Variants in BCL2L1 observed in about 807,000 individuals in gnomAD.
BCL2L1 encodes BCL2 like 1.
Under a neutral mutation model 18.7 loss-of-function variants are expected in BCL2L1, and 1 was observed. The observed-to-expected ratio is 0.05, with a 90% confidence interval of 0.02 to 0.25. The LOEUF is 0.25. BCL2L1 is among the 10% of genes least tolerant of loss of function. The pLI, the probability that BCL2L1 is intolerant of heterozygous loss-of-function variation, is 1.00. For synonymous variants in BCL2L1, 103 were observed against 122.7 expected (o/e 0.84, Z 1.06); for missense variants, 207 against 304.9 (o/e 0.68, Z 2.39).
chr20:31,713,141 G>C (rs1017953201), intron 2 of BCL2L1, among the ~76,000 whole-genome samples: 6 of 152,264 alleles, frequency 3.9e-5, no homozygotes, highest in East Asian at 1.9e-4. Flanking sequence ...GCATCTCCAG[G>C]GGAAGTCCAG....
upstream of BCL2L1, chr20:31,723,846 A>T (rs542238345): frequency 1.0e-6 from 1 of 985,186 alleles, no homozygotes; most frequent in African/African-American, 1.7e-5. Flanking sequence ...GGGCCGGCCT[A>T]CCTGGCTGCC....
At chr20:31,705,690 G>C (rs943380563) in intron 2 of BCL2L1, among the ~76,000 whole-genome samples, 1 of 152,206 alleles carries the variant, frequency 6.6e-6, no homozygotes, top group African/African-American at 2.4e-5. Flanking sequence ...AAGGTGCTGG[G>C]TGCCAACTAC....
At chr20:31,680,446 G>C (rs1315761159) in intron 2 of BCL2L1, among the ~76,000 whole-genome samples, 3 of 152,184 alleles carry the variant, frequency 2.0e-5, no homozygotes, top group Non-Finnish European at 1.5e-5. Flanking sequence ...ACTCAGTGAT[G>C]AACCCACTTT....
intron 2 of BCL2L1, among the ~76,000 whole-genome samples, chr20:31,696,640 T>G (rs926264357): frequency 2.6e-5 from 4 of 152,240 alleles, no homozygotes; most frequent in Non-Finnish European, 5.9e-5. Context: ...GGCCAGACAC[T>G]GCTGGCTAAC....
intron 2 of BCL2L1, among the ~76,000 whole-genome samples, chr20:31,684,129 C>T (rs556278807): frequency 6.6e-5 from 10 of 152,122 alleles, no homozygotes; most frequent in Non-Finnish European, 1.2e-4. Flanking sequence ...ACAGGTACCC[C>T]CCAACATGCC....
intron 2 of BCL2L1, among the ~76,000 whole-genome samples, chr20:31,687,656 G>A (rs1419737358): frequency 5.8e-5 from 8 of 138,068 alleles, no homozygotes; most frequent in Non-Finnish European, 1.1e-4. Context: ...CCAGCTTGGC[G>A]ACAGAAAGAG....
At chr20:31,708,287 GGAA>G (rs894443474) in intron 2 of BCL2L1, among the ~76,000 whole-genome samples, 5 of 152,290 alleles carry the variant, frequency 3.3e-5, no homozygotes, top group Admixed American at 2.0e-4. Context: ...CACACACAAG[GGAA>G]GAAGCAGCAG....
intron 2 of BCL2L1, 76 bp downstream of exon 2, chr20:31,721,579 G>C: frequency 6.8e-7 from 1 of 1,478,154 alleles, no homozygotes; most frequent in Admixed American, 2.3e-5. Flanking sequence ...AACAGAAAGA[G>C]ATACAGAAGA....
chr20:31,677,263 C>T (rs2060780146), intron 2 of BCL2L1, among the ~76,000 whole-genome samples: 1 of 150,072 alleles, frequency 6.7e-6, no homozygotes, highest in Admixed American at 6.7e-5. Flanking sequence ...CTCACTGCAA[C>T]CTCTGCCTCC....
At chr20:31,668,806 G>A (rs566868528) in intron 2 of BCL2L1, among the ~76,000 whole-genome samples, 7 of 149,114 alleles carry the variant, frequency 4.7e-5, no homozygotes, top group African/African-American at 1.2e-4. Context: ...GTTTCTCCAC[G>A]TTGGGTCAGG....
At chr20:31,668,380 C>G (rs1469008417) in intron 2 of BCL2L1, among the ~76,000 whole-genome samples, 2 of 151,434 alleles carry the variant, frequency 1.3e-5, no homozygotes, top group African/African-American at 2.4e-5. Flanking sequence ...AGTGCAGTGG[C>G]ACAAACTGGG....
chr20:31,706,918 C>T (rs943949840), intron 2 of BCL2L1, among the ~76,000 whole-genome samples: 2 of 152,190 alleles, frequency 1.3e-5, no homozygotes, highest in African/African-American at 4.8e-5. Flanking sequence ...GGGCAAGAGG[C>T]TTGAGGCCAC....
chr20:31,723,264 G>C (rs1205128944), upstream of BCL2L1: 2 of 985,388 alleles, frequency 2.0e-6, no homozygotes, highest in Non-Finnish European at 2.4e-6. Flanking sequence ...GGGGATTGCC[G>C]GGTCCTCCAT....
chr20:31,686,915 T>C (rs573227400), intron 2 of BCL2L1, among the ~76,000 whole-genome samples: 26 of 152,346 alleles, frequency 1.7e-4, no homozygotes, highest in Admixed American at 1.2e-3. Context: ...TCTGTCTTTA[T>C]TAGCATTCAA....
chr20:31,665,908 G>A lies in BCL2L1; in HGVS notation c.*41C>T. The A allele has an allele frequency of 6.2e-7, 1 of 1,604,656 alleles. No homozygotes were observed. The highest frequency in any genetic ancestry group is 1.3e-5 in the African/African-American group (1 of 74,870). ...GCTGGACGGAGGATGTGGTGGAGCA[G>A]AGAAGGGGGTGGGAGGGTAGAGTGG... On this transcript the variant is annotated 3_prime_UTR_variant, in exon 3 of 3. Transcript: ENST00000307677.
chr20:31,709,342 C>T (rs190965734), intron 2 of BCL2L1, among the ~76,000 whole-genome samples: 7 of 152,192 alleles, frequency 4.6e-5, no homozygotes, highest in Middle Eastern at 3.4e-3. Flanking sequence ...CGCGTGCACG[C>T]GTGTGTAACT....
Position 31,722,110 on chromosome 20 carries a change from C to T in BCL2L1, c.109G>A (p.Ala37Thr). 1.9e-6 allele frequency: 3 copies of T among 1,573,170 alleles called. No individual in the cohort carries two copies. Among genetic ancestry groups the T allele is most frequent in the Non-Finnish European group, 2.6e-6 (3 of 1,161,324 alleles). ...ATCTCCGATTCAGTCCCTTCTGGGG[C>T]CTCAGTCCTGTTCTCTTCCACATCA... ...FSDVEENRTE[A>T]PEGTESEMET... The change falls in exon 2 of 3, where the codon GCC becomes ACC. Residue 37 changes from alanine to threonine, a missense_variant. Transcript: ENST00000307677.
chr20:31,683,693 C>T (rs1398610414), intron 2 of BCL2L1, among the ~76,000 whole-genome samples: 2 of 141,088 alleles, frequency 1.4e-5, no homozygotes, highest in Non-Finnish European at 3.0e-5. Flanking sequence ...CGCTTGAACC[C>T]GGGAGTCAGA....
At chr20:31,723,677 G>A (rs2061672238), upstream of BCL2L1, 3 of 985,554 alleles carry the variant, frequency 3.0e-6, no homozygotes, top group South Asian at 9.4e-5. Flanking sequence ...GAAGCGGGAC[G>A]GCGAAGGCTC....
Sources: allele counts gnomAD v4.1 joint callset (sites outside exome capture counted in the v4.1 genomes callset), GRCh38; gene constraint gnomAD v4.1.1; transcripts MANE v1.5; gene names NCBI Gene and HGNC (gene_info 2026-07-23, HGNC 2026-07-21).